The following HERPUD2 variants were observed in gnomAD, a reference collection of about 807,000 sequenced individuals.
HERPUD2 encodes the protein homocysteine-responsive endoplasmic reticulum-resident ubiquitin-like domain member 2 protein.
HERPUD2 carries 13 observed loss-of-function variants against 49.9 expected under a neutral mutation model. The observed-to-expected ratio is 0.26, with a 90% CI of 0.17 to 0.41. HERPUD2 has a LOEUF of 0.41. Among genes scored for constraint, HERPUD2 ranks in the 10% least tolerant of loss-of-function variants. HERPUD2 has a pLI of 1.00. For synonymous variants in HERPUD2, 172 were observed against 171.4 expected (o/e 1.00, Z -0.03); for missense variants, 449 against 492.2 (o/e 0.91, Z 0.83).
At chr7:35,663,066 T>C (rs1226051086) in intron 5 of HERPUD2, among the ~76,000 whole-genome samples, 1 of 152,364 alleles carries the variant, frequency 6.6e-6, no homozygotes, top group Non-Finnish European at 1.5e-5. Context: ...TCTGGTATGT[T>C]GTGTCTTTGT....
chr7:35,634,506 T>A, intron 7 of HERPUD2, 77 bp from the exon 8 acceptor site: 2 of 825,142 alleles, frequency 2.4e-6, no homozygotes, highest in South Asian at 3.2e-5. Context: ...GTTATTAGTG[T>A]CCTATAAGAG....
chr7:35,678,900 GA>G (rs1785821715), intron 2 of HERPUD2, among the ~76,000 whole-genome samples: 1 of 152,076 alleles, frequency 6.6e-6, no homozygotes, highest in African/African-American at 2.4e-5. Flanking sequence ...GCAAGATAGG[GA>G]AAAAATATGC....
At chr7:35,635,073 C>G (rs185293143) in intron 7 of HERPUD2, 62 bp downstream of exon 7, 1 of 1,246,678 alleles carries the variant, frequency 8.0e-7, no homozygotes, top group African/African-American at 1.5e-5. Context: ...CTACCCTACA[C>G]CAGATTCTGT....
intron 5 of HERPUD2, among the ~76,000 whole-genome samples, chr7:35,648,348 G>A (rs1042635411): frequency 6.6e-6 from 1 of 152,144 alleles, no homozygotes; most frequent in African/African-American, 2.4e-5. Flanking sequence ...TTCTATAACA[G>A]GATTATACAT....
In HERPUD2 at chr7:35,645,407, C is replaced by A. The variant is rs564954065; in HGVS notation, c.495-6935G>T. Reference sequence around the variant, plus strand: ...GGAAGTCTGGGCGATATAGTGAGATCCCATCTCTAACAAAATAAAAATAAA... The same window carrying A: ...GGAAGTCTGGGCGATATAGTGAGATACCATCTCTAACAAAATAAAAATAAA... On this transcript the variant is annotated intron_variant, in intron 5 of 8. Coordinates refer to ENST00000311350, the MANE Select transcript of HERPUD2 (RefSeq NM_022373.5). 6.4e-4 allele frequency among the ~76,000 whole-genome samples: 98 copies of A among 152,068 alleles called. 1 individual carries two copies. The highest frequency in any genetic ancestry group is 2.3e-3 in the African/African-American group (94 of 41,484).
At chr7:35,667,628 C>A (rs770860106) in intron 4 of HERPUD2, 40 bp from the exon 5 acceptor site, 5 of 1,493,122 alleles carry the variant, frequency 3.3e-6, no homozygotes, top group Admixed American at 3.5e-5. Context: ...AGATTTAGTT[C>A]TTTACAATCA....
At chr7:35,634,995 G>T in intron 7 of HERPUD2, 140 bp downstream of exon 7, 1 of 617,794 alleles carries the variant, frequency 1.6e-6, no homozygotes. Context: ...CCTTGCTTTT[G>T]GCATCAAAAA....
At chr7:35,654,735 G>A (rs968288800) in intron 5 of HERPUD2, among the ~76,000 whole-genome samples, 38 of 151,232 alleles carry the variant, frequency 2.5e-4, no homozygotes, top group African/African-American at 8.7e-4. Context: ...GAGTGCAGTG[G>A]CGCAATCTTG....
intron 2 of HERPUD2, among the ~76,000 whole-genome samples, chr7:35,686,478 G>A (rs1456481965): frequency 1.4e-5 from 1 of 70,568 alleles, no homozygotes; most frequent in Non-Finnish European, 3.0e-5. Context: ...TCAGCGCAGC[G>A]CCCGGCCTAA....
At chr7:35,681,787 G>A (rs1233758707) in intron 2 of HERPUD2, among the ~76,000 whole-genome samples, 1 of 151,626 alleles carries the variant, frequency 6.6e-6, no homozygotes, top group East Asian at 1.9e-4. Context: ...CAAATCCATA[G>A]AAACAGAAAG....
At chr7:35,645,081 C>A (rs953846080) in intron 5 of HERPUD2, among the ~76,000 whole-genome samples, 5 of 152,104 alleles carry the variant, frequency 3.3e-5, no homozygotes, top group Admixed American at 2.0e-4. Context: ...ACTAGATGAA[C>A]AATGGTAGTT....
intron 2 of HERPUD2, among the ~76,000 whole-genome samples, chr7:35,685,345 A>ATT (rs1786014554): frequency 7.3e-6 from 1 of 136,302 alleles, no homozygotes; most frequent in African/African-American, 2.8e-5. Flanking sequence ...TTTTTTGGAG[A>ATT]TAGAGTCTTG....
chr7:35,664,479 G>A (rs1785496906), intron 5 of HERPUD2, among the ~76,000 whole-genome samples: 1 of 152,218 alleles, frequency 6.6e-6, no homozygotes, highest in African/African-American at 2.4e-5. Flanking sequence ...ATATCCTGAA[G>A]AGTGCTTTCC....
intron 1 of HERPUD2, 58 bp downstream of exon 1, chr7:35,694,743 C>A: frequency 5.5e-6 from 1 of 182,932 alleles, no homozygotes; most frequent in African/African-American, 2.3e-5. Flanking sequence ...CACGGCCCCG[C>A]GGTGCGGATC....
Position 35,671,741 on chromosome 7 carries a change from C to A in HERPUD2, c.226-1413G>T, listed in dbSNP as rs184456336. On this transcript the variant is annotated intron_variant, in intron 3 of 8. Transcript: ENST00000311350. ...ACTCAAAATGTTTTATATAGGGGCA[C>A]AAGAGTTCTTTGACTGAAGCAGTTT... Among the ~76,000 whole-genome samples, 257 of 152,100 alleles carry A rather than the reference C, an allele frequency of 1.7e-3. 2 individuals carry two copies. The highest frequency in any genetic ancestry group is 6.1e-3 in the African/African-American group (252 of 41,536).
At position 35,649,244 on chromosome 7, in the gene HERPUD2, C is replaced by A. The variant is rs189729834; in HGVS notation, c.495-10772G>T. 5.3e-5 allele frequency among the ~76,000 whole-genome samples: 8 copies of A among 149,964 alleles called. No individual in the cohort carries two copies. In the East Asian group the frequency reaches 1.6e-3, roughly 29 times the overall value. On this transcript the variant is annotated intron_variant, in intron 5 of 8. Coordinates refer to ENST00000311350, the MANE Select transcript of HERPUD2 (RefSeq NM_022373.5). ...CCAGCCTGGGCGACAGAGCGAGACTCCATCTCTGAAAAAAAAAAAAAAAAG... is the reference window on the plus strand; with the variant it reads ...CCAGCCTGGGCGACAGAGCGAGACTACATCTCTGAAAAAAAAAAAAAAAAG...
At chr7:35,638,234 A>G (rs1168170169) in intron 6 of HERPUD2, 116 bp downstream of exon 6, 1 of 1,045,950 alleles carries the variant, frequency 9.6e-7, no homozygotes, top group Admixed American at 2.8e-5. Context: ...TCCTTTAGTC[A>G]AAACAACATT....
intron 2 of HERPUD2, among the ~76,000 whole-genome samples, chr7:35,688,471 CAAT>C (rs1357677888): frequency 6.6e-6 from 1 of 152,146 alleles, no homozygotes; most frequent in Non-Finnish European, 1.5e-5. Context: ...CTCTGATGTT[CAAT>C]AGAGCCTGTC....
intron 5 of HERPUD2, among the ~76,000 whole-genome samples, chr7:35,663,796 T>C (rs1785480628): frequency 6.6e-6 from 1 of 152,206 alleles, no homozygotes; most frequent in Non-Finnish European, 1.5e-5. Flanking sequence ...TGTGTGTCTC[T>C]GCACGTGAGA....
Sources: allele counts gnomAD v4.1 joint callset (sites outside exome capture counted in the v4.1 genomes callset), GRCh38; gene constraint gnomAD v4.1.1; transcripts MANE v1.5; gene names NCBI Gene and HGNC (gene_info 2026-07-23, HGNC 2026-07-21).